ZC3H4: variants seen among roughly 807,000 people sequenced by gnomAD.
ZC3H4 encodes the protein zinc finger CCCH domain-containing protein 4.
A neutral mutation model predicts 108.3 loss-of-function variants in ZC3H4; 13 were observed. The observed-to-expected ratio is 0.12, with a 90% CI of 0.08 to 0.19. The LOEUF (loss-of-function observed/expected upper bound fraction) is 0.19. Among genes scored for constraint, ZC3H4 ranks in the 10% least tolerant of loss-of-function variants. The pLI, the probability that ZC3H4 is intolerant of heterozygous loss-of-function variation, is 1.00. For synonymous variants in ZC3H4, 917 were observed against 749.6 expected (o/e 1.22, Z -3.65); for missense variants, 1,734 against 1,838.8 (o/e 0.94, Z 1.04).
intron 4 of ZC3H4, among the ~76,000 whole-genome samples, chr19:47,090,511 G>T (rs1003210428): frequency 3.2e-4 from 49 of 152,180 alleles, no homozygotes; most frequent in Admixed American, 2.0e-4. Flanking sequence ...ACGTGGAGGG[G>T]CCTGGGAAGC....
chr19:47,082,789 G>C (rs1465425415), intron 9 of ZC3H4, among the ~76,000 whole-genome samples: 1 of 152,196 alleles, frequency 6.6e-6, no homozygotes, highest in African/African-American at 2.4e-5. Context: ...CCTGACCACT[G>C]CGCTGCCAGC....
Position 47,067,474 on chromosome 19 carries a change from G to A in ZC3H4, c.2794C>T (p.Leu932=), listed in dbSNP as rs1433893331. 2 of 1,581,382 alleles carry A rather than the reference G, an allele frequency of 1.3e-6. No individual in the cohort carries two copies. Among genetic ancestry groups the A allele is most frequent in the Non-Finnish European group, 8.6e-7 (1 of 1,162,392 alleles). Residue 932 remains leucine, a synonymous_variant, in exon 15 of 15, where the codon CTG becomes TTG. Transcript: ENST00000253048. The surrounding 1 kb of genome is among the most constrained non-coding windows in gnomAD (Gnocchi z 6.4). ...GGAATGTTCACGGCCTTCTCCCGCA[G>A]GGCCCGCTCCCCTTCCTCCTCCTCC... ...PTEEEEGERA[L]REKAVNIPLD...
intron 2 of ZC3H4, among the ~76,000 whole-genome samples, chr19:47,106,086 A>C (rs986644974): frequency 2.0e-5 from 3 of 152,218 alleles, no homozygotes; most frequent in African/African-American, 7.2e-5. Context: ...AATGCATGAG[A>C]AGCACTCAGA....
At chr19:47,092,436 G>T (rs986282338) in intron 4 of ZC3H4, among the ~76,000 whole-genome samples, 1 of 152,126 alleles carries the variant, frequency 6.6e-6, no homozygotes, top group Non-Finnish European at 1.5e-5. Flanking sequence ...CTCAACTATG[G>T]TATTGGACAA....
chr19:47,103,270 A>G (rs2123072215), intron 2 of ZC3H4, among the ~76,000 whole-genome samples: 1 of 152,210 alleles, frequency 6.6e-6, no homozygotes, highest in Non-Finnish European at 1.5e-5. Flanking sequence ...TAATAATTTA[A>G]CTTATGAACT....
chr19:47,111,136 C>T (rs1014315308), intron 2 of ZC3H4, among the ~76,000 whole-genome samples: 6 of 152,172 alleles, frequency 3.9e-5, no homozygotes, highest in African/African-American at 9.7e-5. Context: ...TCTCCACCCC[C>T]ATTCCCTCCA....
intron 2 of ZC3H4, among the ~76,000 whole-genome samples, chr19:47,106,080 C>T (rs1045186405): frequency 7.2e-5 from 11 of 152,202 alleles, no homozygotes; most frequent in Admixed American, 7.2e-4. Context: ...TGAGCTAATG[C>T]ATGAGAAGCA....
At chr19:47,110,326 G>GT (rs1469362119) in intron 2 of ZC3H4, among the ~76,000 whole-genome samples, 1 of 152,138 alleles carries the variant, frequency 6.6e-6, no homozygotes, top group Non-Finnish European at 1.5e-5. Flanking sequence ...GATGAAGGCT[G>GT]GAGACAAAGC....
chr19:47,066,518 C>A lies in ZC3H4; in HGVS notation c.3750G>T (p.Leu1250=). The A allele has an allele frequency of 6.4e-7, 1 of 1,571,838 alleles. No individual in the cohort carries two copies. The highest frequency in any genetic ancestry group is 8.6e-7 in the Non-Finnish European group (1 of 1,158,312). The change falls in exon 15 of 15, where the codon CTG becomes CTT. Residue 1250 remains leucine, a synonymous_variant. Transcript: ENST00000253048. The stretch of plus-strand genomic sequence containing the variant: ...CCGTCCCGAAGAGGGTGGGCACGGG[C>A]AGGTTGTGCACCCCGGGCTGGGGTG... ...GAPPQPGVHN[L]PVPTLFGTVK... is the part of the protein sequence containing the mutation.
intron 11 of ZC3H4, among the ~76,000 whole-genome samples, chr19:47,074,607 C>T (rs189277248): frequency 1.5e-4 from 23 of 152,370 alleles, no homozygotes; most frequent in Non-Finnish European, 3.1e-4. Context: ...GTAAGAGGGG[C>T]TCACTGCATC....
intron 11 of ZC3H4, among the ~76,000 whole-genome samples, chr19:47,076,402 A>G (rs890068262): frequency 6.6e-6 from 1 of 152,198 alleles, no homozygotes; most frequent in African/African-American, 2.4e-5. Flanking sequence ...TTGCTTGAAA[A>G]AGCAAAACCA....
chr19:47,064,224 A>C lies in ZC3H4; in HGVS notation c.*2132T>G, dbSNP rs1006348564. The C allele has an allele frequency of 6.6e-6, 1 of 152,632 alleles. No individual in the cohort carries two copies. Among genetic ancestry groups the C allele is most frequent in the African/African-American group, 2.4e-5 (1 of 41,440 alleles). 9.5% of individuals were successfully genotyped at this position (152,632 alleles called of 1,614,324 possible). On this transcript the variant is annotated 3_prime_UTR_variant, in exon 15 of 15. Transcript: ENST00000253048. ...CTGCATCCTTTAATGGCAGTAATAC[A>C]ATTACTGGATTAAGAGACCACAGGA...
At chr19:47,076,433 G>A (rs1215086348) in intron 11 of ZC3H4, among the ~76,000 whole-genome samples, 1 of 152,160 alleles carries the variant, frequency 6.6e-6, no homozygotes, top group African/African-American at 2.4e-5. Context: ...CCTGATCCAC[G>A]GTTGCCAGGC....
chr19:47,092,592 G>A (rs1038279344), intron 4 of ZC3H4, among the ~76,000 whole-genome samples: 5 of 151,988 alleles, frequency 3.3e-5, no homozygotes, highest in Non-Finnish European at 7.4e-5. Flanking sequence ...CAAGGCGGGC[G>A]GGTCACCTGA....
In ZC3H4 at chr19:47,071,864, G is replaced by A. The variant is rs759056314; in HGVS notation, c.2060C>T (p.Pro687Leu). The A allele has an allele frequency of 1.2e-6, 2 of 1,613,582 alleles. No individual in the cohort carries two copies. Among genetic ancestry groups the A allele is most frequent in the East Asian group, 2.2e-5 (1 of 44,864 alleles). Reference protein sequence around the residue: ...GDSPHSGMMPPIPPAQNFYEN... With the variant: ...GDSPHSGMMPLIPPAQNFYEN... ...ATAGAAGTTCTGGGCTGGCGGGATA[G>A]GGGGCATCATTCCAGAATGTGGGGA... Residue 687 changes from proline (P) to leucine (L), a missense_variant, in exon 13 of 15, where the codon CCT (proline) becomes CTT (leucine). Physicochemically the swap from Pro to Leu is moderately conservative, Grantham distance 98 (BLOSUM62 -3). Around this residue, in one of 9 missense-constraint regions of ZC3H4, gnomAD observed 540 missense variants for 484.1 expected, o/e 1.12. Transcript: ENST00000253048.
chr19:47,069,837 G>A (rs1352726492), intron 13 of ZC3H4, among the ~76,000 whole-genome samples: 12 of 152,180 alleles, frequency 7.9e-5, no homozygotes, highest in African/African-American at 2.9e-4. Flanking sequence ...AATGAAACGG[G>A]TCAAGTGCTG....
intron 2 of ZC3H4, among the ~76,000 whole-genome samples, chr19:47,097,126 G>A (rs2057835117): frequency 6.6e-6 from 1 of 152,200 alleles, no homozygotes; most frequent in African/African-American, 2.4e-5. Context: ...GTAGAGAAGT[G>A]CAGCATTCAA....
intron 2 of ZC3H4, among the ~76,000 whole-genome samples, chr19:47,099,585 G>C (rs1220933111): frequency 6.6e-6 from 1 of 151,982 alleles, no homozygotes; most frequent in Non-Finnish European, 1.5e-5. Context: ...AAGCCATCCT[G>C]CTGACAAAAC....
At chr19:47,109,924 T>C (rs1039056602) in intron 2 of ZC3H4, among the ~76,000 whole-genome samples, 7 of 152,182 alleles carry the variant, frequency 4.6e-5, no homozygotes, top group Non-Finnish European at 8.8e-5. Context: ...ATTTCTGTTG[T>C]TGTTTTTTCC....
Sources: allele counts gnomAD v4.1 joint callset (sites outside exome capture counted in the v4.1 genomes callset), GRCh38; gene constraint gnomAD v4.1.1; regional missense constraint gnomAD v4.1.1; non-coding constraint Gnocchi (gnomAD v3.1); transcripts MANE v1.5; gene names NCBI Gene and HGNC (gene_info 2026-07-23, HGNC 2026-07-21).